ARHGAP9: variants seen among roughly 807,000 people sequenced by gnomAD.
The protein encoded by ARHGAP9 is rho GTPase-activating protein 9.
A neutral mutation model predicts 87.3 loss-of-function variants in ARHGAP9; 76 were observed. That is an observed-to-expected ratio of 0.87 (90% CI 0.72 to 1.05). The LOEUF is 1.05. Ranked by LOEUF, ARHGAP9 falls within the 50% of genes least tolerant of loss-of-function variation. The pLI, the probability that ARHGAP9 is intolerant of heterozygous loss-of-function variation, is 0.00. For missense variants in ARHGAP9, 941 were observed against 960.5 expected, an observed-to-expected ratio of 0.98 and a Z score of 0.27; for synonymous variants, 382 against 394.9, an observed-to-expected ratio of 0.97 and a Z score of 0.39.
At chr12:57,488,570 T>C in intron 1 of ARHGAP9, 1 of 1,550,534 alleles carries the variant, frequency 6.4e-7, no homozygotes, top group East Asian at 2.4e-5. Flanking sequence ...AGGAAATCCC[T>C]CTCTCCCCTC....
At chr12:57,487,013 G>T (rs999861837) in intron 1 of ARHGAP9, among the ~76,000 whole-genome samples, 7 of 151,130 alleles carry the variant, frequency 4.6e-5, no homozygotes, top group Non-Finnish European at 1.0e-4. Context: ...GTTTCCTCTT[G>T]TTGCCCAGGC....
At position 57,473,676 on chromosome 12, in the gene ARHGAP9, T is replaced by C. The variant is rs753286990; in HGVS notation, c.1951A>G (p.Ile651Val). The change falls in exon 17 of 18, where the codon ATA (isoleucine) becomes GTA (valine). Residue 651 changes from isoleucine to valine, a missense_variant. Transcript: ENST00000393791. ...GGCATTGAGCCTATTAATTCTTGTA[T>C]CTGAGAGAGGCACTGCTCTGATTCG... ...LSESEQCLSQ[I>V]QELIGSMPKP... The C allele has an allele frequency of 6.2e-7, 1 of 1,614,106 alleles. No individual in the cohort carries two copies. Among genetic ancestry groups the C allele is most frequent in the Middle Eastern group, 1.6e-4 (1 of 6,062 alleles).
In ARHGAP9 at chr12:57,475,304, C is replaced by A. The variant is rs1392915744; in HGVS notation, c.1539G>T (p.Arg513=). The change falls in exon 12 of 18, where the codon CGG becomes CGT. Residue 513 remains arginine, a synonymous_variant. Coordinates refer to ENST00000393791, the MANE Select transcript of ARHGAP9 (RefSeq NM_032496.4). Reference sequence around the variant, plus strand: ...CAGCCCCCTCACCTCGGAGCAGACCCCGCTCCTGCAGGCTTTGTAAGGGCG... The same window carrying A: ...CAGCCCCCTCACCTCGGAGCAGACCACGCTCCTGCAGGCTTTGTAAGGGCG... ...KRPPLQSLQE[R]GLLRDQVFGC... The A allele has an allele frequency of 1.9e-6, 3 of 1,595,878 alleles. No homozygotes were observed. In the East Asian group the frequency reaches 6.7e-5, roughly 36 times the overall value.
intron 1 of ARHGAP9, among the ~76,000 whole-genome samples, chr12:57,485,291 C>T (rs1875312690): frequency 6.6e-6 from 1 of 151,808 alleles, no homozygotes; most frequent in African/African-American, 2.4e-5. Context: ...AGCAGTGGCT[C>T]ATGCCTGTAA....
At chr12:57,480,810 T>C, upstream of ARHGAP9, 15 of 1,550,494 alleles carry the variant, frequency 9.7e-6, no homozygotes, top group Non-Finnish European at 1.3e-5. Flanking sequence ...TCTCTCAGCT[T>C]CTCCACTGCA....
chr12:57,476,817 G>T, intron 6 of ARHGAP9, 54 bp downstream of exon 6: 6 of 1,532,432 alleles, frequency 3.9e-6, no homozygotes, highest in Non-Finnish European at 5.4e-6. Context: ...GCAGGAAAAG[G>T]GGGGAGGGGG....
upstream of ARHGAP9, among the ~76,000 whole-genome samples, chr12:57,482,957 G>A (rs991541837): frequency 6.6e-6 from 1 of 151,152 alleles, no homozygotes; most frequent in Non-Finnish European, 1.5e-5. Flanking sequence ...AAATCAGCTG[G>A]GCATGGCGGC....
intron 1 of ARHGAP9, among the ~76,000 whole-genome samples, chr12:57,485,569 A>AC (rs1048131356): frequency 6.6e-6 from 1 of 150,492 alleles, no homozygotes; most frequent in Non-Finnish European, 1.5e-5. Flanking sequence ...AAAAAAAAAA[A>AC]ACAAAAAAAC....
In ARHGAP9 at chr12:57,488,205, C is replaced by T. The variant is rs1565635767; in HGVS notation, c.-204+407G>A. 2.5e-6 allele frequency: 4 copies of T among 1,606,110 alleles called. No homozygotes were observed. The South Asian group carries it at 3.3e-5, about 13-fold the overall frequency. On this transcript the variant is annotated intron_variant, in intron 1 of 20. Transcript: ENST00000393797. The stretch of plus-strand genomic sequence containing the variant: ...CAGCACTGTAGGCCCGGAAGGTACT[C>T]GTGCTGGTGCTGGTGGGCGGTGGAT...
chr12:57,484,040 CAAAAAAAAAAA>C (rs746542310), upstream of ARHGAP9: 4 of 40,740 alleles, frequency 9.8e-5, no homozygotes, highest in South Asian at 8.4e-4. Flanking sequence ...GACCCTGTCT[CAAAAAAAAAAA>C]AAAAAAAAAA....
intron 1 of ARHGAP9, chr12:57,488,232 G>C: frequency 6.3e-7 from 1 of 1,586,320 alleles, no homozygotes; most frequent in Non-Finnish European, 8.6e-7. Context: ...GCGGTGGATG[G>C]GGGGGCGGGA....
Position 57,475,902 on chromosome 12 carries a change from C to G in ARHGAP9, c.1242G>C (p.Leu414=), listed in dbSNP as rs1472177132. The change falls in exon 10 of 18, where the codon CTG becomes CTC. Residue 414 remains leucine (L), a synonymous_variant. Coordinates refer to ENST00000393791, the MANE Select transcript of ARHGAP9 (RefSeq NM_032496.4). ...GCTCTGTCTCGTGGTCCGACTGCAG[C>G]AGGAACTCGTGGCCAGGGATCGTGC... ...HIRTIPGHEF[L]LQSDHETELR... 2 of 1,613,622 alleles carry G rather than the reference C, an allele frequency of 1.2e-6. No individual in the cohort carries two copies. The highest frequency in any genetic ancestry group is 1.7e-6 in the Non-Finnish European group (2 of 1,179,854).
chr12:57,481,123 A>T (rs569251), upstream of ARHGAP9, among the ~76,000 whole-genome samples: 24,532 of 151,912 alleles, frequency 0.16, 2,145 homozygotes, highest in East Asian at 0.27. Context: ...TCTCTCCTAT[A>T]CTTTAGCTTG....
rs187173108 is a variant in ARHGAP9, at chr12:57,479,352, G to A, written c.55C>T (p.Arg19Ter). The A allele has an allele frequency of 1.1e-4, 176 of 1,614,098 alleles. 1 individual carries two copies. In the East Asian group the frequency reaches 3.1e-3, roughly 29 times the overall value. The change falls in exon 2 of 18, where the codon CGA becomes TGA. Residue 19 changes from arginine (R) to a stop codon, truncating the protein, a stop_gained. Transcript: ENST00000393791. LOFTEE classifies it high-confidence loss of function. ...SSWGILGLGP[R>*]SPPRGSQLCA... ...AGCTGGGATCCCCGAGGAGGGCTTC[G>A]GGGGCCCAGCCCTAGGATCCCCCAG... is the stretch of plus-strand genomic sequence containing the variant.
chr12:57,475,972 A>G (rs1465505935), intron 9 of ARHGAP9, 41 bp from the exon 10 acceptor site: 1 of 1,583,110 alleles, frequency 6.3e-7, no homozygotes, highest in Non-Finnish European at 8.6e-7. Context: ...AACGGGAAGG[A>G]GTATAATAAG....
At position 57,477,478 on chromosome 12, in the gene ARHGAP9, C is replaced by A; in HGVS notation, c.737G>T (p.Arg246Leu). 1 of 1,613,960 alleles carries A rather than the reference C, an allele frequency of 6.2e-7. No homozygotes were observed. Among genetic ancestry groups the A allele is most frequent in the Non-Finnish European group, 8.5e-7 (1 of 1,179,896 alleles). The change falls in exon 4 of 18, where the codon CGC (arginine) becomes CTC (leucine). Residue 246 changes from arginine (R) to leucine (L), a missense_variant. Transcript: ENST00000393791. ...TCTCACCGTCTCGCTGCGACTGCGG[C>A]GCGGGGGCTTCCAGGACTTGCAGCC... ...LTGCKSWKPPRRSRSETNPGS... is the reference protein window; with the variant it reads ...LTGCKSWKPPLRSRSETNPGS...
At chr12:57,488,478 A>G in intron 1 of ARHGAP9, 1 of 1,294,300 alleles carries the variant, frequency 7.7e-7, no homozygotes, top group Non-Finnish European at 1.1e-6. Context: ...TCCCTTCCCA[A>G]CCTTCTCCTA....
rs374559695 is a variant in ARHGAP9, at chr12:57,476,486, C to T, written c.1026-32G>A. The T allele has an allele frequency of 4.3e-6, 7 of 1,613,326 alleles. No individual in the cohort carries two copies. In the Admixed American group the frequency reaches 1.2e-4, roughly 27 times the overall value. ...GGACAGAGAGGGGAGGTAGTGGTAGCGAACAGGTCATTCTAGAATGACACG... is the reference window on the plus strand; with the variant it reads ...GGACAGAGAGGGGAGGTAGTGGTAGTGAACAGGTCATTCTAGAATGACACG... On this transcript the variant is annotated intron_variant, in intron 7 of 17. Coordinates refer to ENST00000393791, the MANE Select transcript of ARHGAP9 (RefSeq NM_032496.4).
At position 57,478,561 on chromosome 12, in the gene ARHGAP9, C is replaced by T. The variant is rs372239208; in HGVS notation, c.513G>A (p.Pro171=). Residue 171 remains proline, a synonymous_variant, in exon 3 of 18, where the codon CCG becomes CCA. Transcript: ENST00000393791. Reference sequence around the variant, plus strand: ...TCACTGTGCTGGCACTGGCTTCTGACGGCAAGTCTTCCTGGGAGAGGGATC... The same window carrying T: ...TCACTGTGCTGGCACTGGCTTCTGATGGCAAGTCTTCCTGGGAGAGGGATC... ...SGRSLSQEDL[P]SEASASTAGP... 29 of 1,613,982 alleles carry T rather than the reference C, an allele frequency of 1.8e-5. No homozygotes were observed. Among genetic ancestry groups the T allele is most frequent in the African/African-American group, 4.0e-5 (3 of 74,920 alleles).
Sources: gnomAD v4.1 joint callset for allele counts (sites outside exome capture counted in the v4.1 genomes callset) on GRCh38, gnomAD v4.1.1 for gene constraint, MANE v1.5 for transcripts, NCBI Gene and HGNC (gene_info 2026-07-23, HGNC 2026-07-21) for gene names.